PTPRM: variants seen among roughly 807,000 people sequenced by gnomAD.
PTPRM encodes protein tyrosine phosphatase receptor type M.
A neutral mutation model predicts 186.7 loss-of-function variants in PTPRM; 47 were observed. The observed-to-expected ratio is 0.25, with a 90% CI of 0.20 to 0.32. PTPRM has a LOEUF of 0.32. Ranked by LOEUF, PTPRM falls within the 10% of genes least tolerant of loss-of-function variation. The probability of loss-of-function intolerance (pLI) is 1.00; values close to 1 mark genes in which losing one functional copy is unlikely to be tolerated. For synonymous variants in PTPRM, 668 were observed against 674.9 expected (o/e 0.99, Z 0.16); for missense variants, 1,494 against 1,865.0 (o/e 0.80, Z 3.66).
At chr18:8,285,473 C>T (rs554305335) in intron 19 of PTPRM, among the ~76,000 whole-genome samples, 3 of 152,310 alleles carry the variant, frequency 2.0e-5, no homozygotes, top group South Asian at 2.1e-4. Context: ...GGGGAATAAG[C>T]TGTGCTGAAT....
At chr18:8,092,751 G>A (rs1188607051) in intron 11 of PTPRM, among the ~76,000 whole-genome samples, 1 of 152,084 alleles carries the variant, frequency 6.6e-6, no homozygotes, top group Admixed American at 6.6e-5. Context: ...GATCACTTGA[G>A]GCCAGGAGTT....
intron 3 of PTPRM, among the ~76,000 whole-genome samples, chr18:7,892,060 A>C (rs2049111207): frequency 6.6e-6 from 1 of 152,152 alleles, no homozygotes; most frequent in Non-Finnish European, 1.5e-5. Context: ...TCTGGGACCT[A>C]TTCTAGGTTC....
chr18:7,779,770 C>A (rs2042765959), intron 2 of PTPRM, among the ~76,000 whole-genome samples: 3 of 152,086 alleles, frequency 2.0e-5, no homozygotes, highest in African/African-American at 7.2e-5. Flanking sequence ...CTCTAATTAT[C>A]CTATTCATTC....
intron 5 of PTPRM, among the ~76,000 whole-genome samples, chr18:7,940,021 T>C (rs1298512272): frequency 6.6e-6 from 1 of 152,164 alleles, no homozygotes; most frequent in Non-Finnish European, 1.5e-5. Context: ...CAGGTGTCAC[T>C]GTCATGGGGA....
chr18:7,834,489 T>TACACACACACACACAC (rs1555613378), intron 2 of PTPRM, among the ~76,000 whole-genome samples: 2 of 3,796 alleles, frequency 5.3e-4, no homozygotes, highest in South Asian at 0.026. Flanking sequence ...AATATACAAG[T>TACACACACACACACAC]ATACACACAC....
rs34345020 is a variant in PTPRM, at chr18:7,955,281, C to T, written c.999C>T (p.Val333=). ...ASGSWNDRQP[V]DSTSYKIGHL... ...GGAGCTGGAATGACCGGCAGCCAGTCGATTCCACGAGCTATAAAATTGGAC... is the reference window on the plus strand; with the variant it reads ...GGAGCTGGAATGACCGGCAGCCAGTTGATTCCACGAGCTATAAAATTGGAC... The change falls in exon 7 of 33, where the codon GTC becomes GTT. Residue 333 remains valine, a synonymous_variant. Coordinates refer to ENST00000580170, the MANE Select transcript of PTPRM (RefSeq NM_001105244.2). 3,637 of 1,614,062 alleles carry T rather than the reference C, an allele frequency of 2.3e-3. 78 individuals are homozygous for T. The African/African-American group carries it at 0.043, about 19-fold the overall frequency.
chr18:7,978,765 A>G (rs943614842), intron 7 of PTPRM, among the ~76,000 whole-genome samples: 35 of 152,362 alleles, frequency 2.3e-4, no homozygotes, highest in African/African-American at 8.4e-4. Context: ...AAAGGTTTAT[A>G]TCATAATATT....
chr18:8,332,364 T>C (rs1257235540), intron 22 of PTPRM, among the ~76,000 whole-genome samples: 3 of 152,210 alleles, frequency 2.0e-5, no homozygotes, highest in Admixed American at 6.5e-5. Context: ...TTTATGCCAA[T>C]TTTCTCTTAA....
intron 1 of PTPRM, among the ~76,000 whole-genome samples, chr18:7,772,923 A>G (rs139295664): frequency 8.3e-4 from 127 of 152,290 alleles, no homozygotes; most frequent in African/African-American, 3.0e-3. Context: ...AATTTTCATA[A>G]TAATTAATAA....
At chr18:8,252,444 CTTTTTCTCCTCCT>C in intron 17 of PTPRM, 31 bp from the exon 18 acceptor site, 3 of 1,499,620 alleles carry the variant, frequency 2.0e-6, no homozygotes, top group Non-Finnish European at 2.8e-6. Flanking sequence ...GCCCTGTTTC[CTTTTTCTCCTCCT>C]TTTTTCTCCT....
At chr18:7,629,601 T>C (rs1057332465) in intron 1 of PTPRM, among the ~76,000 whole-genome samples, 3 of 152,178 alleles carry the variant, frequency 2.0e-5, no homozygotes, top group Non-Finnish European at 4.4e-5. Context: ...GCTTTGTGGT[T>C]GTACTCAAGA....
intron 21 of PTPRM, among the ~76,000 whole-genome samples, chr18:8,315,164 G>A (rs1228019998): frequency 2.0e-5 from 3 of 152,148 alleles, no homozygotes; most frequent in South Asian, 2.1e-4. Flanking sequence ...AACATTCTAT[G>A]CCTTCTTTGC....
At chr18:7,639,242 C>T (rs1395175904) in intron 1 of PTPRM, among the ~76,000 whole-genome samples, 6 of 151,836 alleles carry the variant, frequency 4.0e-5, no homozygotes, top group Non-Finnish European at 8.8e-5. Context: ...ACCTGGCTAA[C>T]TTTATTTTTA....
chr18:8,196,739 A>G (rs186932120), intron 14 of PTPRM, among the ~76,000 whole-genome samples: 1 of 152,340 alleles, frequency 6.6e-6, no homozygotes, highest in East Asian at 1.9e-4. Flanking sequence ...TGACGTTGAC[A>G]TGTTCCCATA....
intron 1 of PTPRM, 53 bp from the exon 2 acceptor site, chr18:7,774,096 A>C: frequency 1.1e-5 from 17 of 1,525,356 alleles, no homozygotes; most frequent in East Asian, 4.6e-5. Context: ...ATCATAGCTT[A>C]TTCTAGAGGT....
chr18:8,169,344 C>CAAA lies in PTPRM; in HGVS notation c.2300+25577_2300+25579dup, dbSNP rs34078397. Among the ~76,000 whole-genome samples, 558 of 121,892 alleles carry CAAA rather than the reference C, an allele frequency of 4.6e-3. 3 individuals carry two copies. Among genetic ancestry groups the CAAA allele is most frequent in the African/African-American group, 0.015 (533 of 35,324 alleles). The allele number at this position is 121,892 out of a possible 152,430, so 80.0% of individuals were successfully genotyped here. On this transcript the variant is annotated intron_variant, in intron 14 of 32. Coordinates refer to ENST00000580170, the MANE Select transcript of PTPRM (RefSeq NM_001105244.2). ...TTCAAAAATACCATGTTGATTTGGG[C>CAAA]AAAAAAAAAAAAAATGCTTATCAAA...
intron 14 of PTPRM, among the ~76,000 whole-genome samples, chr18:8,168,892 C>G (rs1344002901): frequency 2.6e-5 from 4 of 152,174 alleles, no homozygotes; most frequent in Non-Finnish European, 4.4e-5. Context: ...AGCACAGACT[C>G]CATGCCATGG....
At chr18:7,749,680 G>A (rs1375280858) in intron 1 of PTPRM, among the ~76,000 whole-genome samples, 1 of 152,180 alleles carries the variant, frequency 6.6e-6, no homozygotes, top group Non-Finnish European at 1.5e-5. Flanking sequence ...TCAGGTCACA[G>A]GCATAAAGAT....
rs57918724 is a variant in PTPRM, at chr18:7,948,130, TACACACACACACACACACAC to T, written c.664-1023_664-1004del. On this transcript the variant is annotated intron_variant, in intron 5 of 32. Transcript: ENST00000580170. ...GATAGCCTCTTTCCTGATTATAAAATACACACACACACACACACACACACACACACACACACACACACACA... is the reference window on the plus strand; with the variant it reads ...GATAGCCTCTTTCCTGATTATAAAATACACACACACACACACACACACACA... Among the ~76,000 whole-genome samples the T allele has an allele frequency of 8.7e-5, 12 of 137,900 alleles. No homozygotes were observed. The East Asian group carries it at 1.5e-3, about 17-fold the overall frequency. 90.5% of individuals were successfully genotyped at this position (137,900 alleles called of 152,430 possible). A position where few individuals can be genotyped will look rare whatever the true frequency, so the allele number is the denominator to read the frequency against.
Sources: gnomAD v4.1 joint callset for allele counts (sites outside exome capture counted in the v4.1 genomes callset) on GRCh38, gnomAD v4.1.1 for gene constraint, MANE v1.5 for transcripts, NCBI Gene and HGNC (gene_info 2026-07-23, HGNC 2026-07-21) for gene names.